CDH23: variants seen among roughly 807,000 people sequenced by gnomAD.
The protein encoded by CDH23 is cadherin related 23, also known as cadherin-23.
Under a neutral mutation model 317.1 loss-of-function variants are expected in CDH23, and 189 were observed. The ratio of observed to expected loss-of-function variants is 0.60; its 90% CI spans 0.53 to 0.67. The LOEUF (loss-of-function observed/expected upper bound fraction) is 0.67, where lower values mean the gene tolerates loss of function less well. Ranked by LOEUF, CDH23 falls within the 30% of genes least tolerant of loss-of-function variation. CDH23 has a pLI of 0.00. For missense variants in CDH23, 4,401 were observed against 4,592.4 expected (o/e 0.96, Z 1.20); for synonymous variants, 1,839 against 1,876.8 (o/e 0.98, Z 0.52).
chr10:71,587,295 G>A (rs1003685302), intron 9 of CDH23, among the ~76,000 whole-genome samples: 5 of 152,196 alleles, frequency 3.3e-5, no homozygotes, highest in Non-Finnish European at 7.3e-5. Context: ...TCTGTGTGTA[G>A]GAGTGGAATA....
chr10:71,566,799 G>T lies in CDH23; in HGVS notation c.487G>T (p.Ala163Ser), dbSNP rs746657813. The change falls in exon 7 of 70, where the codon GCA (alanine) becomes TCA (serine). Residue 163 changes from alanine to serine, a missense_variant. Physicochemically the swap from Ala to Ser is moderately conservative, Grantham distance 99. This residue lies in a region of CDH23 where 3,068 missense variants were observed against 3,203.3 expected (regional missense o/e 0.96). Coordinates refer to ENST00000224721, the MANE Select transcript of CDH23 (RefSeq NM_022124.6). ...GAATGCCACAGACCCCGACTTGGGG[G>T]CAGGGGGCAGCGTCCTCTACTCCTT... is the stretch of plus-strand genomic sequence containing the variant. Reference protein sequence around the residue: ...IVNATDPDLGAGGSVLYSFQP... With the variant: ...IVNATDPDLGSGGSVLYSFQP... The T allele has an allele frequency of 1.9e-6, 3 of 1,613,150 alleles. No individual in the cohort carries two copies. Among genetic ancestry groups the T allele is most frequent in the Non-Finnish European group, 2.5e-6 (3 of 1,179,186 alleles).
rs530029932 is a variant in CDH23 at position 71,803,555 on chromosome 10, T to C, written c.7872+135T>C. 2.0e-4 allele frequency: 153 copies of C among 776,766 alleles called. No homozygotes were observed. The African/African-American group carries it at 2.6e-3, about 13-fold the overall frequency. The allele number at this position is 776,766 out of a possible 1,614,324, so 48.1% of individuals were successfully genotyped here. On this transcript the variant is annotated intron_variant, in intron 55 of 69. Coordinates refer to ENST00000224721, the MANE Select transcript of CDH23 (RefSeq NM_022124.6). Reference sequence around the variant, plus strand: ...AGTAGCTCCAGGAAAAAAAAAACTTTTTTAATTAAATAAAAGTTTGTAAAG... The same window carrying C: ...AGTAGCTCCAGGAAAAAAAAAACTTCTTTAATTAAATAAAAGTTTGTAAAG...
intron 41 of CDH23, 131 bp from the exon 42 acceptor site, chr10:71,784,155 TG>T: frequency 1.1e-6 from 1 of 895,056 alleles, no homozygotes; most frequent in Non-Finnish European, 1.7e-6. Context: ...CTGGGGTCAC[TG>T]GAGGACCCGG....
At chr10:71,409,173 T>C (rs1206813666) in intron 1 of CDH23, among the ~76,000 whole-genome samples, 1 of 152,212 alleles carries the variant, frequency 6.6e-6, no homozygotes, top group Non-Finnish European at 1.5e-5. Flanking sequence ...CTTTGGCCTC[T>C]GACCAAGGGG....
chr10:71,430,761 A>G (rs926620730), intron 1 of CDH23, among the ~76,000 whole-genome samples: 1 of 152,202 alleles, frequency 6.6e-6, no homozygotes, highest in Non-Finnish European at 1.5e-5. Flanking sequence ...CGGAGGTTGC[A>G]GTGAGCCGAG....
At chr10:71,443,320 GGA>G (rs2132015204) in intron 2 of CDH23, among the ~76,000 whole-genome samples, 1 of 152,262 alleles carries the variant, frequency 6.6e-6, no homozygotes, top group African/African-American at 2.4e-5. Context: ...GATCCGGTGG[GGA>G]CCTTCCCCAT....
intron 6 of CDH23, among the ~76,000 whole-genome samples, chr10:71,530,264 C>G (rs1855293817): frequency 1.3e-5 from 2 of 152,216 alleles, no homozygotes; most frequent in Admixed American, 6.5e-5. Context: ...CTTGGGGGCT[C>G]TGGACCCGTC....
intron 38 of CDH23, among the ~76,000 whole-genome samples, chr10:71,774,898 C>A (rs1840782117): frequency 6.6e-6 from 1 of 152,140 alleles, no homozygotes; most frequent in Non-Finnish European, 1.5e-5. Context: ...TGGCCTGATC[C>A]AAGTCACGGG....
chr10:71,810,171 G>C, intron 61 of CDH23, 95 bp downstream of exon 61: 1 of 1,435,470 alleles, frequency 7.0e-7, no homozygotes, highest in South Asian at 1.2e-5. Context: ...CAAAGGCCAG[G>C]GCGTGAAAGG....
chr10:71,778,558 A>G (rs1247036830), intron 40 of CDH23, among the ~76,000 whole-genome samples: 4 of 152,044 alleles, frequency 2.6e-5, no homozygotes, highest in Non-Finnish European at 5.9e-5. Flanking sequence ...TCATGGGAAA[A>G]CCATGAACTC....
chr10:71,510,684 G>A (rs1853918315), intron 4 of CDH23, among the ~76,000 whole-genome samples: 1 of 152,186 alleles, frequency 6.6e-6, no homozygotes, highest in Admixed American at 6.5e-5. Context: ...CTTGCTCAGT[G>A]TCACACAGCA....
chr10:71,628,687 G>A (rs1861865454), intron 11 of CDH23, among the ~76,000 whole-genome samples: 1 of 152,140 alleles, frequency 6.6e-6, no homozygotes, highest in African/African-American at 2.4e-5. Context: ...TAGTAGCGAT[G>A]AGGTTTCACC....
intron 8 of CDH23, among the ~76,000 whole-genome samples, chr10:71,576,689 AGGCAGGCATGGTG>A (rs1322693851): frequency 1.3e-5 from 2 of 152,150 alleles, no homozygotes; most frequent in African/African-American, 4.8e-5. Context: ...CCAGAGCCTC[AGGCAGGCATGGTG>A]GGCAGGCATG....
chr10:71,653,584 C>A (rs1863280029), intron 14 of CDH23, among the ~76,000 whole-genome samples: 1 of 152,234 alleles, frequency 6.6e-6, no homozygotes, highest in Admixed American at 6.5e-5. Flanking sequence ...CTCCCTGGTC[C>A]CTCTGCCCCC....
At chr10:71,646,314 G>A (rs901375677) in intron 13 of CDH23, 145 bp from the exon 14 acceptor site, 24 of 1,278,312 alleles carry the variant, frequency 1.9e-5, no homozygotes, top group Middle Eastern at 2.8e-4. Context: ...AGACGGGCTC[G>A]CAGTAGCACA....
At chr10:71,727,142 C>T (rs1292649865) in intron 30 of CDH23, among the ~76,000 whole-genome samples, 3 of 152,188 alleles carry the variant, frequency 2.0e-5, no homozygotes, top group African/African-American at 7.2e-5. Context: ...TCATAATAGC[C>T]TTATGAAGTA....
intron 9 of CDH23, among the ~76,000 whole-genome samples, chr10:71,584,286 A>C (rs1162271828): frequency 6.6e-6 from 1 of 150,598 alleles, no homozygotes; most frequent in African/African-American, 2.5e-5. Flanking sequence ...GGGGTGGGTG[A>C]TGATGAAGAG....
chr10:71,599,305 G>A (rs114300109), intron 9 of CDH23, among the ~76,000 whole-genome samples: 157 of 152,204 alleles, frequency 1.0e-3, no homozygotes, highest in African/African-American at 3.7e-3. Flanking sequence ...TTCTGTGAGC[G>A]CTGAGCAGAA....
chr10:71,566,719 A>C lies in CDH23; in HGVS notation c.430-23A>C, dbSNP rs374236078. On this transcript the variant is annotated intron_variant, in intron 6 of 69. Transcript: ENST00000224721. Reference sequence around the variant, plus strand: ...CTGCTCCGCACTGGCTCACCCTTGTACTTGCTTTGCTCTCATCCCCAGAAT... The same window carrying C: ...CTGCTCCGCACTGGCTCACCCTTGTCCTTGCTTTGCTCTCATCCCCAGAAT... The C allele has an allele frequency of 7.1e-4, 1,116 of 1,567,126 alleles. 1 individual carries two copies. The highest frequency in any genetic ancestry group is 8.9e-4 in the Non-Finnish European group (1,027 of 1,150,936).
Sources: allele counts gnomAD v4.1 joint callset (sites outside exome capture counted in the v4.1 genomes callset), GRCh38; gene constraint gnomAD v4.1.1; regional missense constraint gnomAD v4.1.1; transcripts MANE v1.5; gene names NCBI Gene and HGNC (gene_info 2026-07-23, HGNC 2026-07-21).